The following CACNA1C variants were observed in gnomAD, a reference collection of about 807,000 sequenced individuals.
The protein encoded by CACNA1C is voltage-dependent L-type calcium channel subunit alpha-1C.
In CACNA1C, 30 loss-of-function variants were observed where a neutral mutation model predicts 229.0. The ratio of observed to expected loss-of-function variants is 0.13; its 90% CI spans 0.10 to 0.18. The LOEUF (loss-of-function observed/expected upper bound fraction) is 0.18. Among genes scored for constraint, CACNA1C ranks in the 10% least tolerant of loss-of-function variants. The probability of loss-of-function intolerance (pLI) is 1.00; values close to 1 mark genes in which losing one functional copy is unlikely to be tolerated. For synonymous variants in CACNA1C, 1,114 were observed against 1,132.5 expected, an observed-to-expected ratio of 0.98 and a Z score of 0.33; for missense variants, 1,658 against 2,845.0, an observed-to-expected ratio of 0.58 and a Z score of 9.49.
chr12:2,194,319 C>A (rs2154303777), intron 3 of CACNA1C, among the ~76,000 whole-genome samples: 1 of 151,026 alleles, frequency 6.6e-6, no homozygotes, highest in Admixed American at 6.6e-5. Context: ...TGCCTCCTCC[C>A]GTTCCTCCTC....
chr12:2,624,096 C>G (rs934361468), intron 29 of CACNA1C, among the ~76,000 whole-genome samples: 1 of 152,186 alleles, frequency 6.6e-6, no homozygotes, highest in African/African-American at 2.4e-5. Context: ...TTCAACCCTC[C>G]CAGGCTCATT....
rs1364491734 is a variant in CACNA1C, at chr12:2,486,343, C to T, written c.916+81C>T. The T allele has an allele frequency of 1.6e-6, 2 of 1,225,426 alleles. No homozygotes were observed. Among genetic ancestry groups the T allele is most frequent in the South Asian group, 1.5e-5 (1 of 65,678 alleles). 75.9% of individuals were successfully genotyped at this position (1,225,426 alleles called of 1,614,324 possible). A position where few individuals can be genotyped will look rare whatever the true frequency, so the allele number is the denominator to read the frequency against. Reference sequence around the variant, plus strand: ...CCTTTCCCGCTGCTGGCTACACCAACATGACCAGCAGAGCCCAGGGAAGGC... The same window carrying T: ...CCTTTCCCGCTGCTGGCTACACCAATATGACCAGCAGAGCCCAGGGAAGGC... On this transcript the variant is annotated intron_variant, in intron 6 of 46. Transcript: ENST00000399655. The surrounding 1 kb of genome is among the most constrained non-coding windows in gnomAD (Gnocchi z 4.9).
chr12:2,463,012 A>G (rs2099523232), intron 5 of CACNA1C, among the ~76,000 whole-genome samples: 1 of 146,580 alleles, frequency 6.8e-6, no homozygotes, highest in African/African-American at 2.6e-5. Flanking sequence ...TCCTGGGTTC[A>G]CGCCATTCTC....
In CACNA1C at chr12:2,457,734, T is replaced by G. The variant is rs184196801; in HGVS notation, c.757+28T>G. ...AAGTGAAGCCCGTTCTTGTGTACAG[T>G]GTTATCTCCTCACCACCTTCTGCTG... is the stretch of plus-strand genomic sequence containing the variant. On this transcript the variant is annotated intron_variant, in intron 5 of 46. Coordinates refer to ENST00000399655, the MANE Select transcript of CACNA1C (RefSeq NM_000719.7). The G allele has an allele frequency of 8.5e-6, 13 of 1,522,658 alleles. No individual in the cohort carries two copies. The African/African-American group carries it at 1.8e-4, about 21-fold the overall frequency. 94.3% of individuals were successfully genotyped at this position (1,522,658 alleles called of 1,614,324 possible). A position where few individuals can be genotyped will look rare whatever the true frequency, so the allele number is the denominator to read the frequency against.
In CACNA1C at chr12:2,677,565, G is replaced by T. The variant is rs1246919975; in HGVS notation, c.4957-168G>T. ...GGGCGAGTGGATTGTTCCATCAGAG[G>T]GCAGCCCAGCCCCCAGTTCACACAC... On this transcript the variant is annotated intron_variant, in intron 40 of 46. Transcript: ENST00000399655. This position sits in a 1 kb window ranked among gnomAD's most constrained non-coding sequence, Gnocchi z 7.4. 1.3e-6 allele frequency: 1 copy of T among 746,882 alleles called. No homozygotes were observed. Among genetic ancestry groups the T allele is most frequent in the Non-Finnish European group, 2.2e-6 (1 of 454,680 alleles). The allele number at this position is 746,882 out of a possible 1,614,324, so 46.3% of individuals were successfully genotyped here.
At chr12:2,305,894 G>A (rs1305497586) in intron 3 of CACNA1C, among the ~76,000 whole-genome samples, 1 of 152,206 alleles carries the variant, frequency 6.6e-6, no homozygotes, top group Non-Finnish European at 1.5e-5. Context: ...TATAAGGTTT[G>A]TAATAGAGAC....
chr12:2,204,126 T>G (rs1386712684), intron 3 of CACNA1C, among the ~76,000 whole-genome samples: 1 of 152,098 alleles, frequency 6.6e-6, no homozygotes, highest in Non-Finnish European at 1.5e-5. Flanking sequence ...GTTTCCTGAC[T>G]TTTTAATGAT....
In CACNA1C at chr12:2,410,817, G is replaced by A. The variant is rs1007536288; in HGVS notation, c.478-38159G>A. Among the ~76,000 whole-genome samples, 5 of 151,970 alleles carry A rather than the reference G, an allele frequency of 3.3e-5. No homozygotes were observed. Among genetic ancestry groups the A allele is most frequent in the Non-Finnish European group, 7.4e-5 (5 of 68,004 alleles). Reference sequence around the variant, plus strand: ...TGTGTATATGTGTGTGTGTGCGTGTGCATGTGCGTGTGTGTGTTTCAGGAG... The same window carrying A: ...TGTGTATATGTGTGTGTGTGCGTGTACATGTGCGTGTGTGTGTTTCAGGAG... On this transcript the variant is annotated intron_variant, in intron 3 of 46. Transcript: ENST00000399655. The surrounding 1 kb of genome is among the most constrained non-coding windows in gnomAD (Gnocchi z 5.3).
chr12:2,280,207 AGACCTTGCTGTGCTTCGGTTTAACCTC>A (rs2090633425), intron 3 of CACNA1C, among the ~76,000 whole-genome samples: 1 of 125,056 alleles, frequency 8.0e-6, no homozygotes, highest in Non-Finnish European at 1.7e-5. Flanking sequence ...TAACCTCTTG[AGACCTTGCTGTGCTTCGGTTTAACCTC>A]TTGAGACCTT....
intron 3 of CACNA1C, among the ~76,000 whole-genome samples, chr12:2,262,553 G>T (rs1315162198): frequency 6.6e-6 from 1 of 152,162 alleles, no homozygotes; most frequent in Non-Finnish European, 1.5e-5. Context: ...AATGCAGGGA[G>T]CCAGGATCAG....
chr12:1,993,269 G>C (rs749032061), intron 1 of CACNA1C: 1 of 1,614,070 alleles, frequency 6.2e-7, no homozygotes, highest in Non-Finnish European at 8.5e-7. Context: ...CTCACATCTG[G>C]CATTTCTGTA....
intron 5 of CACNA1C, among the ~76,000 whole-genome samples, chr12:2,465,695 G>T (rs909103149): frequency 6.6e-6 from 1 of 152,128 alleles, no homozygotes; most frequent in Non-Finnish European, 1.5e-5. Context: ...CAAAAAAACC[G>T]CACTGCAGAG....
At chr12:1,996,638 AAAAAAAAAAAAAAAAAAC>A (rs745483156) in intron 1 of CACNA1C, among the ~76,000 whole-genome samples, 3,815 of 123,562 alleles carry the variant, frequency 0.031, 183 homozygotes, top group Middle Eastern at 0.063. Context: ...AAAAAAAAAA[AAAAAAAAAAAAAAAAAAC>A]AACAAACTCT....
intron 3 of CACNA1C, among the ~76,000 whole-genome samples, chr12:2,306,969 C>T (rs911639348): frequency 2.6e-5 from 4 of 152,182 alleles, no homozygotes; most frequent in African/African-American, 9.7e-5. Context: ...TCCCCAGCCC[C>T]GTGACTAGCC....
chr12:2,364,764 G>C, intron 3 of CACNA1C, among the ~76,000 whole-genome samples: 1 of 152,130 alleles, frequency 6.6e-6, no homozygotes. Flanking sequence ...TCCTCGTCCT[G>C]AAAGCAGAGA....
intron 3 of CACNA1C, among the ~76,000 whole-genome samples, chr12:2,247,847 A>G (rs951671666): frequency 3.9e-5 from 6 of 152,136 alleles, no homozygotes; most frequent in Non-Finnish European, 7.3e-5. Context: ...GGGGAAGACA[A>G]CTTGAATTTT....
chr12:2,694,189 A>G lies in CACNA1C; in HGVS notation c.*2990A>G, dbSNP rs1160895779. On this transcript the variant is annotated 3_prime_UTR_variant, in exon 47 of 47. Coordinates refer to ENST00000399655, the MANE Select transcript of CACNA1C (RefSeq NM_000719.7). ...TGACCTTCTGATCCACTAGAATAAGACTGGCGTATGATGCCTGTCATCAGA... is the reference window on the plus strand; with the variant it reads ...TGACCTTCTGATCCACTAGAATAAGGCTGGCGTATGATGCCTGTCATCAGA... The G allele has an allele frequency of 6.6e-6, 1 of 152,292 alleles. No homozygotes were observed. Among genetic ancestry groups the G allele is most frequent in the Non-Finnish European group, 1.5e-5 (1 of 68,066 alleles). 9.4% of individuals were successfully genotyped at this position (152,292 alleles called of 1,614,324 possible).
chr12:2,400,357 G>C (rs1434394470), intron 3 of CACNA1C, among the ~76,000 whole-genome samples: 6 of 152,250 alleles, frequency 3.9e-5, no homozygotes, highest in Non-Finnish European at 8.8e-5. Context: ...TGGACTCCAG[G>C]TGGTGCCTAC....
At chr12:2,254,480 G>T (rs2076652729) in intron 3 of CACNA1C, among the ~76,000 whole-genome samples, 1 of 152,188 alleles carries the variant, frequency 6.6e-6, no homozygotes, top group Admixed American at 6.5e-5. Context: ...GAACGAAGGT[G>T]TGGGCCCGGA....
Sources: allele counts gnomAD v4.1 joint callset (sites outside exome capture counted in the v4.1 genomes callset), GRCh38; gene constraint gnomAD v4.1.1; non-coding constraint Gnocchi (gnomAD v3.1); transcripts MANE v1.5; gene names NCBI Gene and HGNC (gene_info 2026-07-23, HGNC 2026-07-21).